RALGAPA2: variants seen among roughly 807,000 people sequenced by gnomAD.
The protein encoded by RALGAPA2 is Ral GTPase activating protein catalytic subunit alpha 2.
A neutral mutation model predicts 230.4 loss-of-function variants in RALGAPA2; 139 were observed. The ratio of observed to expected loss-of-function variants is 0.60; its 90% confidence interval spans 0.53 to 0.69. The LOEUF (loss-of-function observed/expected upper bound fraction) is 0.69, where lower values mean the gene tolerates loss of function less well. RALGAPA2 is among the 30% of genes least tolerant of loss of function. The probability of loss-of-function intolerance (pLI) is 0.00; values close to 1 mark genes in which losing one functional copy is unlikely to be tolerated. For synonymous variants in RALGAPA2, 847 were observed against 837.8 expected, an observed-to-expected ratio of 1.01 and a Z score of -0.19; for missense variants, 2,163 against 2,276.0, an observed-to-expected ratio of 0.95 and a Z score of 1.01.
chr20:20,494,394 C>T (rs1013218402), intron 36 of RALGAPA2, among the ~76,000 whole-genome samples: 8 of 152,170 alleles, frequency 5.3e-5, no homozygotes, highest in Admixed American at 1.3e-4. Context: ...ACTTTAAAAA[C>T]GCCCTTCTAT....
rs189467690 is a variant in RALGAPA2, at chr20:20,457,977, G to A, written c.5495+14852C>T. On this transcript the variant is annotated intron_variant, in intron 37 of 39. Coordinates refer to ENST00000202677, the MANE Select transcript of RALGAPA2 (RefSeq NM_020343.4). ...CCCTGAAGGCCTGGATGCTGAGGGAGGCAGGGCCCCTGGTGAGGGTGAGCT... is the reference window on the plus strand; with the variant it reads ...CCCTGAAGGCCTGGATGCTGAGGGAAGCAGGGCCCCTGGTGAGGGTGAGCT... Among the ~76,000 whole-genome samples the A allele has an allele frequency of 4.3e-3, 650 of 152,324 alleles. 5 individuals carry two copies. Among genetic ancestry groups the A allele is most frequent in the African/African-American group, 0.015 (620 of 41,580 alleles).
chr20:20,652,139 T>C (rs2067422145), intron 4 of RALGAPA2, among the ~76,000 whole-genome samples: 1 of 152,256 alleles, frequency 6.6e-6, no homozygotes. Context: ...TAACTTCAAA[T>C]AATTCAGTTT....
chr20:20,677,788 C>T (rs950614328), intron 2 of RALGAPA2, among the ~76,000 whole-genome samples: 6 of 151,474 alleles, frequency 4.0e-5, no homozygotes, highest in East Asian at 1.9e-4. Context: ...GGACTACAGG[C>T]GCCTGCCACC....
intron 23 of RALGAPA2, among the ~76,000 whole-genome samples, chr20:20,568,153 A>G (rs918794213): frequency 6.6e-6 from 1 of 152,146 alleles, no homozygotes; most frequent in Non-Finnish European, 1.5e-5. Context: ...TTCATAATTT[A>G]TAGTTATTTT....
At chr20:20,458,225 A>T (rs536034329) in intron 37 of RALGAPA2, among the ~76,000 whole-genome samples, 1 of 152,016 alleles carries the variant, frequency 6.6e-6, no homozygotes, top group East Asian at 1.9e-4. Context: ...AGATGTTGGA[A>T]AATGTTGCCT....
chr20:20,533,449 T>G (rs2063418689), intron 26 of RALGAPA2, among the ~76,000 whole-genome samples: 2 of 152,090 alleles, frequency 1.3e-5, no homozygotes, highest in South Asian at 4.1e-4. Context: ...TATAGGACAA[T>G]TCTAAACTTT....
chr20:20,495,371 A>G (rs555445456), intron 35 of RALGAPA2, 96 bp from the exon 36 acceptor site: 133 of 1,081,094 alleles, frequency 1.2e-4, no homozygotes, highest in Admixed American at 1.7e-4. Context: ...TCAAAGGCCA[A>G]AAAAATTTCA....
intron 39 of RALGAPA2, among the ~76,000 whole-genome samples, chr20:20,396,469 G>C (rs560221098): frequency 6.6e-6 from 1 of 152,240 alleles, no homozygotes. Context: ...TGTTGGTGTC[G>C]GATTCCTCCC....
At chr20:20,706,065 C>G (rs543930434) in intron 1 of RALGAPA2, among the ~76,000 whole-genome samples, 38 of 152,280 alleles carry the variant, frequency 2.5e-4, no homozygotes, top group African/African-American at 9.1e-4. Flanking sequence ...AAGTATTATG[C>G]CTGTCCACAA....
intron 34 of RALGAPA2, 35 bp from the exon 35 acceptor site, chr20:20,503,541 C>T (rs374812813): frequency 4.7e-5 from 69 of 1,454,238 alleles, no homozygotes; most frequent in Non-Finnish European, 5.8e-5. Flanking sequence ...GAGTGAGGAT[C>T]AAAAATGAGC....
In RALGAPA2 at chr20:20,573,061, G is replaced by A. The variant is rs188128981; in HGVS notation, c.2715C>T (p.Ser905=). The change falls in exon 21 of 40, where the codon AGC becomes AGT. Residue 905 remains serine, a synonymous_variant. Coordinates refer to ENST00000202677, the MANE Select transcript of RALGAPA2 (RefSeq NM_020343.4). Reference sequence around the variant, plus strand: ...TACTACAGTCATCTGTGAGGCACTCGCTGCTATCTATGCAGAAAAACATGT... The same window carrying A: ...TACTACAGTCATCTGTGAGGCACTCACTGCTATCTATGCAGAAAAACATGT... ...PTDASNLTDS[S]ECLTDDCSII... is the part of the protein sequence containing the mutation. The A allele has an allele frequency of 1.3e-4, 211 of 1,602,396 alleles. No individual in the cohort carries two copies. Among genetic ancestry groups the A allele is most frequent in the Admixed American group, 4.9e-4 (29 of 58,796 alleles).
At chr20:20,421,928 A>G (rs931424408) in intron 37 of RALGAPA2, among the ~76,000 whole-genome samples, 7 of 152,262 alleles carry the variant, frequency 4.6e-5, no homozygotes, top group African/African-American at 1.7e-4. Flanking sequence ...AATATAACAT[A>G]TAATAAAATA....
intron 1 of RALGAPA2, among the ~76,000 whole-genome samples, chr20:20,700,999 GT>G (rs1258391432): frequency 6.6e-6 from 1 of 152,024 alleles, no homozygotes; most frequent in Non-Finnish European, 1.5e-5. Context: ...GTTGTTGTGG[GT>G]TTTTTTTAAA....
Position 20,712,595 on chromosome 20 carries a change from CCCGCTGCT to C in RALGAPA2, c.-123_-116del. 8.4e-7 allele frequency: 1 copy of C among 1,187,914 alleles called. No individual in the cohort carries two copies. Among genetic ancestry groups the C allele is most frequent in the Non-Finnish European group, 1.1e-6 (1 of 946,976 alleles). 73.6% of individuals were successfully genotyped at this position (1,187,914 alleles called of 1,614,324 possible). The stretch of plus-strand genomic sequence containing the variant: ...GCGCGGGCCACTCGCCGCCCCCAGC[CCCGCTGCT>C]GCCGCCGCCGCCGCCGCCGCCGCCG... On this transcript the variant is annotated 5_prime_UTR_variant, in exon 1 of 40. Coordinates refer to ENST00000202677, the MANE Select transcript of RALGAPA2 (RefSeq NM_020343.4). This position sits in a 1 kb window ranked among gnomAD's most constrained non-coding sequence, Gnocchi z 5.5.
At chr20:20,561,054 A>C (rs1159444351) in intron 23 of RALGAPA2, among the ~76,000 whole-genome samples, 3 of 152,250 alleles carry the variant, frequency 2.0e-5, no homozygotes, top group Non-Finnish European at 4.4e-5. Context: ...GTAGGGCTCA[A>C]GCTCTAAAGT....
intron 8 of RALGAPA2, 46 bp from the exon 9 acceptor site, chr20:20,635,663 AC>A: frequency 2.8e-6 from 4 of 1,405,050 alleles, no homozygotes; most frequent in Non-Finnish European, 3.8e-6. Flanking sequence ...ATAAATCATA[AC>A]ATTAAGTAAT....
intron 13 of RALGAPA2, among the ~76,000 whole-genome samples, chr20:20,613,168 C>A (rs977833506): frequency 6.6e-6 from 1 of 152,192 alleles, no homozygotes; most frequent in Non-Finnish European, 1.5e-5. Flanking sequence ...GCCAAAGCTG[C>A]CAGTTTTGAC....
At chr20:20,661,167 A>AT (rs930722475) in intron 3 of RALGAPA2, among the ~76,000 whole-genome samples, 29 of 151,376 alleles carry the variant, frequency 1.9e-4, no homozygotes, top group East Asian at 3.9e-4. Flanking sequence ...TGCTTTATTT[A>AT]TTTTTTTTTG....
chr20:20,605,709 C>G (rs1241607096), intron 14 of RALGAPA2, among the ~76,000 whole-genome samples: 1 of 152,194 alleles, frequency 6.6e-6, no homozygotes, highest in Non-Finnish European at 1.5e-5. Flanking sequence ...AGTGACAACT[C>G]TGCTTCCTGA....
Sources: allele counts gnomAD v4.1 joint callset (sites outside exome capture counted in the v4.1 genomes callset), GRCh38; gene constraint gnomAD v4.1.1; non-coding constraint Gnocchi (gnomAD v3.1); transcripts MANE v1.5; gene names NCBI Gene and HGNC (gene_info 2026-07-23, HGNC 2026-07-21).